The following GBX1 variants were observed in gnomAD, a reference collection of about 807,000 sequenced individuals.
The protein encoded by GBX1 is homeobox protein GBX-1.
GBX1 carries 9 observed loss-of-function variants against 22.9 expected under a neutral mutation model. The ratio of observed to expected loss-of-function variants is 0.39; its 90% confidence interval spans 0.24 to 0.69. GBX1 has a LOEUF of 0.69. Among genes scored for constraint, GBX1 ranks in the 30% least tolerant of loss-of-function variants. GBX1 has a pLI of 0.43. For synonymous variants in GBX1, 203 were observed against 227.3 expected, an observed-to-expected ratio of 0.89 and a Z score of 0.96; for missense variants, 494 against 509.2, an observed-to-expected ratio of 0.97 and a Z score of 0.29.
chr7:151,161,793 A>G lies in GBX1; in HGVS notation c.538+5218T>C, dbSNP rs540213953. 2.3e-4 allele frequency among the ~76,000 whole-genome samples: 35 copies of G among 152,200 alleles called. 1 individual carries two copies. The highest frequency in any genetic ancestry group is 4.6e-4 in the Non-Finnish European group (31 of 68,034). ...AAGGTATAAATTTTCTCCCACCCAT[A>G]GCTAACAGATCCCCTGATGAAAGGT... is the stretch of plus-strand genomic sequence containing the variant. On this transcript the variant is annotated intron_variant, in intron 1 of 1. Transcript: ENST00000297537.
intron 1 of GBX1, among the ~76,000 whole-genome samples, chr7:151,151,009 G>C (rs1801073650): frequency 6.6e-6 from 1 of 152,202 alleles, no homozygotes; most frequent in Non-Finnish European, 1.5e-5. Flanking sequence ...CAGGATTACA[G>C]GTGTGAGCCA....
intron 1 of GBX1, among the ~76,000 whole-genome samples, chr7:151,166,799 C>G (rs1025186709): frequency 6.6e-6 from 1 of 152,180 alleles, no homozygotes; most frequent in Non-Finnish European, 1.5e-5. Context: ...GGTTAGCCTT[C>G]AGGGCTATGG....
chr7:151,153,389 C>T (rs1381098210), intron 1 of GBX1, among the ~76,000 whole-genome samples: 1 of 152,136 alleles, frequency 6.6e-6, no homozygotes. Flanking sequence ...TAGTGCAATC[C>T]TTTACAATGT....
chr7:151,154,930 A>G (rs1269770741), intron 1 of GBX1, among the ~76,000 whole-genome samples: 1 of 152,216 alleles, frequency 6.6e-6, no homozygotes, highest in African/African-American at 2.4e-5. Flanking sequence ...GGCCTGCGCT[A>G]GAGGCACCGA....
intron 1 of GBX1, among the ~76,000 whole-genome samples, chr7:151,162,849 C>G (rs894684099): frequency 1.8e-4 from 27 of 150,828 alleles, no homozygotes; most frequent in Admixed American, 1.3e-4. Flanking sequence ...CGTTGCCCCC[C>G]AGGCTGGAGT....
At chr7:151,163,561 A>T (rs1801210492) in intron 1 of GBX1, among the ~76,000 whole-genome samples, 1 of 152,244 alleles carries the variant, frequency 6.6e-6, no homozygotes, top group Non-Finnish European at 1.5e-5. Context: ...ACTTAATATG[A>T]AAAGAAGATA....
intron 1 of GBX1, chr7:151,149,926 CT>C: frequency 2.2e-6 from 1 of 456,060 alleles, no homozygotes; most frequent in Non-Finnish European, 4.4e-6. Flanking sequence ...CCACCTTCCC[CT>C]TTCCCCAGCC....
chr7:151,155,799 T>A (rs970407602), intron 1 of GBX1, among the ~76,000 whole-genome samples: 1 of 152,206 alleles, frequency 6.6e-6, no homozygotes, highest in Non-Finnish European at 1.5e-5. Flanking sequence ...AGCAGTTGAC[T>A]GACGTAGAGC....
intron 1 of GBX1, 85 bp downstream of exon 1, chr7:151,166,926 A>C (rs1801258759): frequency 1.5e-6 from 2 of 1,369,894 alleles, no homozygotes; most frequent in Admixed American, 3.8e-5. Context: ...GCAGGTGCCG[A>C]GGTGCCGAGG....
chr7:151,152,389 T>C (rs1233977919), intron 1 of GBX1, among the ~76,000 whole-genome samples: 1 of 152,214 alleles, frequency 6.6e-6, no homozygotes, highest in African/African-American at 2.4e-5. Flanking sequence ...GGAATTCATA[T>C]GCAGTAGGAA....
intron 1 of GBX1, among the ~76,000 whole-genome samples, chr7:151,155,943 A>G (rs1801128716): frequency 6.6e-6 from 1 of 152,198 alleles, no homozygotes; most frequent in African/African-American, 2.4e-5. Context: ...TCAGAGAGGG[A>G]CAGGATGTCA....
At chr7:151,154,307 C>CA (rs1390439160) in intron 1 of GBX1, among the ~76,000 whole-genome samples, 2 of 151,890 alleles carry the variant, frequency 1.3e-5, no homozygotes, top group African/African-American at 2.4e-5. Flanking sequence ...TGGAAAATTG[C>CA]AAGTTGTTGG....
chr7:151,155,503 C>T (rs1801124094), intron 1 of GBX1, among the ~76,000 whole-genome samples: 1 of 152,072 alleles, frequency 6.6e-6, no homozygotes, highest in East Asian at 1.9e-4. Context: ...CCTACTCCTG[C>T]CTATAATTTT....
Position 151,167,158 on chromosome 7 carries a change from TGGCGGC to T in GBX1, c.385_390del (p.Ala129_Ala130del), listed in dbSNP as rs763561424. 3.1e-6 allele frequency: 5 copies of T among 1,592,032 alleles called. No individual in the cohort carries two copies. The highest frequency in any genetic ancestry group is 1.4e-5 in the African/African-American group (1 of 72,856). Reference sequence around the variant, plus strand: ...GGCTCGGGGTTGTTTCGGGCGGCAGTGGCGGCGGCGGCGGCAGCGGCGGCGGCGAGC... The same window carrying T: ...GGCTCGGGGTTGTTTCGGGCGGCAGTGGCGGCGGCAGCGGCGGCGGCGAGC... On this transcript the variant is annotated inframe_deletion, in exon 1 of 2. Transcript: ENST00000297537. This position sits in a 1 kb window ranked among gnomAD's most constrained non-coding sequence, Gnocchi z 5.9.
chr7:151,157,464 C>G (rs1801148075), intron 1 of GBX1, among the ~76,000 whole-genome samples: 1 of 152,176 alleles, frequency 6.6e-6, no homozygotes, highest in Non-Finnish European at 1.5e-5. Context: ...CTCTGCCTTC[C>G]TCATTACAGA....
intron 1 of GBX1, among the ~76,000 whole-genome samples, chr7:151,156,853 T>C (rs1801140982): frequency 6.6e-6 from 1 of 151,144 alleles, no homozygotes; most frequent in African/African-American, 2.4e-5. Context: ...GGCATGGCGG[T>C]GCGCGCCTGT....
chr7:151,158,172 C>T (rs774132425), intron 1 of GBX1, among the ~76,000 whole-genome samples: 2 of 152,182 alleles, frequency 1.3e-5, no homozygotes, highest in Middle Eastern at 3.2e-3. Context: ...ATGCTGTAAC[C>T]AGAAGAGACA....
rs1468673947 is a variant in GBX1, at chr7:151,167,442, G to T, written c.107C>A (p.Pro36Gln). 5 of 1,509,348 alleles carry T rather than the reference G, an allele frequency of 3.3e-6. No homozygotes were observed. The highest frequency in any genetic ancestry group is 2.0e-4 in the Middle Eastern group (1 of 5,054). 93.5% of individuals were successfully genotyped at this position (1,509,348 alleles called of 1,614,324 possible). ...SIDSLIGPPP[P>Q]RSGHLLYTGY... is the part of the protein sequence containing the mutation. ...GGTGTACAGCAAGTGGCCGGAGCGC[G>T]GCGGCGGCGGCCCGATTAGGGAGTC... is the stretch of plus-strand genomic sequence containing the variant. The change falls in exon 1 of 2, where the codon CCG becomes CAG. Residue 36 changes from proline to glutamine, a missense_variant. Physicochemically the swap from Pro to Gln is moderately conservative, Grantham distance 76 (BLOSUM62 -1). Around this residue, in one of 3 missense-constraint regions of GBX1, gnomAD observed 365 missense variants for 340.4 expected, o/e 1.07. Coordinates refer to ENST00000297537, the MANE Select transcript of GBX1 (RefSeq NM_001098834.3). The surrounding 1 kb of genome is among the most constrained non-coding windows in gnomAD (Gnocchi z 5.9).
intron 1 of GBX1, among the ~76,000 whole-genome samples, chr7:151,164,137 G>T (rs1801224069): frequency 6.6e-6 from 1 of 152,318 alleles, no homozygotes; most frequent in African/African-American, 2.4e-5. Context: ...CGGGTTAGCA[G>T]TTGTAAAACA....
Sources: gnomAD v4.1 joint callset for allele counts (sites outside exome capture counted in the v4.1 genomes callset) on GRCh38, gnomAD v4.1.1 for gene constraint, gnomAD v4.1.1 regional missense constraint, Gnocchi (gnomAD v3.1) non-coding constraint, MANE v1.5 for transcripts, NCBI Gene and HGNC (gene_info 2026-07-23, HGNC 2026-07-21) for gene names.